FER1L6: variants seen among roughly 807,000 people sequenced by gnomAD.
FER1L6 encodes the protein fer-1 like family member 6.
FER1L6 carries 177 observed loss-of-function variants against 219.2 expected under a neutral mutation model. The observed-to-expected ratio is 0.81, with a 90% CI of 0.71 to 0.91. The LOEUF (loss-of-function observed/expected upper bound fraction) is 0.91, where lower values mean the gene tolerates loss of function less well. Among genes scored for constraint, FER1L6 ranks in the 40% least tolerant of loss-of-function variants. The pLI, the probability that FER1L6 is intolerant of heterozygous loss-of-function variation, is 0.00. For synonymous variants in FER1L6, 768 were observed against 824.3 expected (o/e 0.93, Z 1.17); for missense variants, 2,153 against 2,259.9 (o/e 0.95, Z 0.96).
intron 1 of FER1L6, among the ~76,000 whole-genome samples, chr8:123,854,610 G>T (rs944012767): frequency 6.6e-6 from 1 of 152,132 alleles, no homozygotes. Flanking sequence ...GGGACCGAAG[G>T]GTATCTTCTG....
At chr8:123,921,209 G>A (rs1022809894) in intron 1 of FER1L6, among the ~76,000 whole-genome samples, 2 of 152,102 alleles carry the variant, frequency 1.3e-5, no homozygotes, top group African/African-American at 2.4e-5. Context: ...ACCCAGAACC[G>A]GTATTGCTGG....
intron 39 of FER1L6, among the ~76,000 whole-genome samples, chr8:124,117,190 T>C (rs1823283596): frequency 6.6e-6 from 1 of 152,236 alleles, no homozygotes; most frequent in Non-Finnish European, 1.5e-5. Flanking sequence ...TTGTTGCCTG[T>C]GTGACCTTGG....
intron 12 of FER1L6, among the ~76,000 whole-genome samples, chr8:124,001,914 C>G (rs1477814466): frequency 6.6e-6 from 1 of 152,060 alleles, no homozygotes; most frequent in African/African-American, 2.4e-5. Flanking sequence ...GCTTAGGTTC[C>G]CAGAAACGAA....
chr8:124,003,124 T>C, intron 12 of FER1L6, 43 bp from the exon 13 acceptor site: 2 of 1,563,008 alleles, frequency 1.3e-6, no homozygotes, highest in Non-Finnish European at 1.8e-6. Flanking sequence ...CTGATTCTGA[T>C]TACCACCACC....
At chr8:124,108,882 G>GA (rs1003756804) in intron 39 of FER1L6, among the ~76,000 whole-genome samples, 1 of 151,416 alleles carries the variant, frequency 6.6e-6, no homozygotes, top group Non-Finnish European at 1.5e-5. Flanking sequence ...TGTCTCTATA[G>GA]AAAAAAGGAA....
intron 34 of FER1L6, among the ~76,000 whole-genome samples, chr8:124,093,900 C>T (rs979111738): frequency 7.4e-5 from 11 of 148,910 alleles, no homozygotes; most frequent in African/African-American, 2.7e-4. Context: ...ACGATCACAC[C>T]CTGTAAAATG....
intron 9 of FER1L6, 56 bp downstream of exon 9, chr8:123,976,140 C>A: frequency 7.8e-7 from 1 of 1,281,730 alleles, no homozygotes; most frequent in Non-Finnish European, 1.1e-6. Context: ...GCTCTCTATC[C>A]AAGATATGTT....
At chr8:123,901,415 C>T (rs529060953) in intron 1 of FER1L6, among the ~76,000 whole-genome samples, 45 of 152,230 alleles carry the variant, frequency 3.0e-4, no homozygotes, top group African/African-American at 8.2e-4. Flanking sequence ...ATCTTGCTAA[C>T]GGTCTGTCAA....
chr8:123,938,823 C>T (rs1196166518), intron 1 of FER1L6, among the ~76,000 whole-genome samples: 1 of 152,146 alleles, frequency 6.6e-6, no homozygotes, highest in Non-Finnish European at 1.5e-5. Context: ...GCTGAGATTG[C>T]AGGTGTGAGC....
At chr8:123,999,935 G>A (rs1157290364) in intron 12 of FER1L6, among the ~76,000 whole-genome samples, 1 of 152,186 alleles carries the variant, frequency 6.6e-6, no homozygotes, top group South Asian at 2.1e-4. Context: ...CTGTCTCTGA[G>A]CCCAGCATAG....
At chr8:123,867,338 A>G (rs914333894) in intron 1 of FER1L6, among the ~76,000 whole-genome samples, 64 of 152,286 alleles carry the variant, frequency 4.2e-4, no homozygotes, top group Middle Eastern at 3.4e-3. Context: ...AACTAGCTCA[A>G]CCTGTTGATT....
chr8:123,853,124 G>T lies in FER1L6; in HGVS notation c.-8+939G>T, dbSNP rs60867227. 6.6e-6 allele frequency among the ~76,000 whole-genome samples: 1 copy of T among 152,098 alleles called. No homozygotes were observed. The highest frequency in any genetic ancestry group is 2.4e-5 in the African/African-American group (1 of 41,414). ...CTTCCAAAGTGCTCGGATTACGTGCGTGAGCCACTGTGCCCACCCTCAGAC... is the reference window on the plus strand; with the variant it reads ...CTTCCAAAGTGCTCGGATTACGTGCTTGAGCCACTGTGCCCACCCTCAGAC... On this transcript the variant is annotated intron_variant, in intron 1 of 40. Coordinates refer to ENST00000522917, the MANE Select transcript of FER1L6 (RefSeq NM_001039112.2). The surrounding 1 kb of genome is among the most constrained non-coding windows in gnomAD (Gnocchi z 6.6).
Position 123,980,575 on chromosome 8 carries a change from T to C in FER1L6, c.1174T>C (p.Ser392Pro). The part of the protein sequence containing the change: ...EMNEGFGEGV[S>P]FRGRILVEIA... ...GAACGAAGGCTTTGGGGAAGGTGTGTCATTCAGGGGCAGAATCTTGGTAGA... is the reference window on the plus strand; with the variant it reads ...GAACGAAGGCTTTGGGGAAGGTGTGCCATTCAGGGGCAGAATCTTGGTAGA... The change falls in exon 11 of 41, where the codon TCA becomes CCA. Residue 392 changes from serine (S) to proline (P), a missense_variant. Coordinates refer to ENST00000522917, the MANE Select transcript of FER1L6 (RefSeq NM_001039112.2). 1 of 1,614,104 alleles carries C rather than the reference T, an allele frequency of 6.2e-7. No individual in the cohort carries two copies. The highest frequency in any genetic ancestry group is 8.5e-7 in the Non-Finnish European group (1 of 1,180,010).
intron 32 of FER1L6, among the ~76,000 whole-genome samples, chr8:124,081,837 T>C (rs1269720737): frequency 6.6e-6 from 1 of 152,226 alleles, no homozygotes; most frequent in East Asian, 1.9e-4. Flanking sequence ...ACGTGTTTTA[T>C]AGAAACAATA....
At chr8:123,963,421 C>A in intron 3 of FER1L6, 23 bp downstream of exon 3, 1 of 1,613,130 alleles carries the variant, frequency 6.2e-7, no homozygotes, top group South Asian at 1.1e-5. Context: ...TGCAGGTGGT[C>A]AACACACATT....
intron 12 of FER1L6, among the ~76,000 whole-genome samples, chr8:123,995,551 G>A (rs983626241): frequency 5.3e-5 from 8 of 151,282 alleles, no homozygotes; most frequent in Non-Finnish European, 8.9e-5. Flanking sequence ...TATTTATTTG[G>A]GTCTTCTCTT....
At chr8:124,019,378 C>T (rs1818353786) in intron 16 of FER1L6, among the ~76,000 whole-genome samples, 1 of 152,192 alleles carries the variant, frequency 6.6e-6, no homozygotes, top group South Asian at 2.1e-4. Context: ...TGTCTAGCAC[C>T]ACAGTGCTTC....
intron 1 of FER1L6, among the ~76,000 whole-genome samples, chr8:123,877,991 A>G (rs906648230): frequency 6.6e-6 from 1 of 152,224 alleles, no homozygotes; most frequent in Non-Finnish European, 1.5e-5. Context: ...GTGAACAATC[A>G]CATGCTCTGA....
rs1586541935 is a variant in FER1L6, at chr8:123,975,935, C to A, written c.721C>A (p.Pro241Thr). The change falls in exon 9 of 41, where the codon CCG becomes ACG. Residue 241 changes from proline (P) to threonine (T), a missense_variant. By Grantham distance (38) the Pro-to-Thr change is conservative. Transcript: ENST00000522917. ...CCCCAATGGGTTTCCACTGGAGAGA[C>A]CGTGGGCCAGATTCTATGTGAGACT... is the stretch of plus-strand genomic sequence containing the variant. ...LIPNGFPLER[P>T]WARFYVRLYK... is the part of the protein sequence containing the mutation. 6.2e-7 allele frequency: 1 copy of A among 1,613,236 alleles called. No individual in the cohort carries two copies. Among genetic ancestry groups the A allele is most frequent in the Non-Finnish European group, 8.5e-7 (1 of 1,179,688 alleles).
Sources: gnomAD v4.1 joint callset for allele counts (sites outside exome capture counted in the v4.1 genomes callset) on GRCh38, gnomAD v4.1.1 for gene constraint, Gnocchi (gnomAD v3.1) non-coding constraint, MANE v1.5 for transcripts, NCBI Gene and HGNC (gene_info 2026-07-23, HGNC 2026-07-21) for gene names.